SMYD3: variants seen among roughly 807,000 people sequenced by gnomAD.
SMYD3 encodes SET and MYND domain containing 3.
In SMYD3, 36 loss-of-function variants were observed where a neutral mutation model predicts 57.7. The observed-to-expected ratio is 0.62, with a 90% confidence interval of 0.48 to 0.82. The LOEUF (loss-of-function observed/expected upper bound fraction) is 0.82. Ranked by LOEUF, SMYD3 falls within the 40% of genes least tolerant of loss-of-function variation. The probability of loss-of-function intolerance (pLI) is 0.00; values close to 1 mark genes in which losing one functional copy is unlikely to be tolerated. For synonymous variants in SMYD3, 211 were observed against 195.0 expected (o/e 1.08, Z -0.68); for missense variants, 515 against 538.8 (o/e 0.96, Z 0.44).
At chr1:246,241,356 G>A (rs1256910454) in intron 5 of SMYD3, among the ~76,000 whole-genome samples, 1 of 152,152 alleles carries the variant, frequency 6.6e-6, no homozygotes, top group Non-Finnish European at 1.5e-5. Context: ...TAATCATATG[G>A]CTTTTGCCTT....
At chr1:246,428,745 C>T (rs1485506991) in intron 1 of SMYD3, among the ~76,000 whole-genome samples, 2 of 152,158 alleles carry the variant, frequency 1.3e-5, no homozygotes, top group South Asian at 2.1e-4. Context: ...CAAACCCGCG[C>T]AATCTAGACC....
chr1:246,271,876 C>T (rs556484171), intron 5 of SMYD3, among the ~76,000 whole-genome samples: 1 of 152,170 alleles, frequency 6.6e-6, no homozygotes, highest in Admixed American at 6.5e-5. Flanking sequence ...TCTGTAGAGG[C>T]CTTTGGGTAG....
intron 5 of SMYD3, among the ~76,000 whole-genome samples, chr1:246,322,848 ATTACATT>A (rs1158490349): frequency 1.3e-5 from 2 of 152,342 alleles, no homozygotes; most frequent in Admixed American, 6.5e-5. Context: ...CTCACTTTCT[ATTACATT>A]TAGTGCAAAA....
intron 10 of SMYD3, among the ~76,000 whole-genome samples, chr1:245,853,030 G>A (rs1400963559): frequency 2.6e-5 from 4 of 152,206 alleles, no homozygotes; most frequent in African/African-American, 9.7e-5. Context: ...ACATGATTAA[G>A]TGGCTACAAG....
chr1:245,941,517 A>AT (rs1377100416), intron 5 of SMYD3, among the ~76,000 whole-genome samples: 2 of 151,944 alleles, frequency 1.3e-5, no homozygotes, highest in African/African-American at 2.4e-5. Context: ...AATATTCAAC[A>AT]TTTTTTTCGT....
At chr1:246,370,771 TGTC>T in intron 1 of SMYD3, among the ~76,000 whole-genome samples, 1 of 152,358 alleles carries the variant, frequency 6.6e-6, no homozygotes, top group South Asian at 2.1e-4. Context: ...GTGTCACAAA[TGTC>T]GTCATCTCCA....
At chr1:245,970,470 TTAAAC>T (rs1200942741) in intron 5 of SMYD3, among the ~76,000 whole-genome samples, 1 of 152,116 alleles carries the variant, frequency 6.6e-6, no homozygotes, top group East Asian at 1.9e-4. Flanking sequence ...TGGGATCTAA[TTAAAC>T]TAAAGAGCTT....
intron 10 of SMYD3, among the ~76,000 whole-genome samples, chr1:245,857,008 C>A (rs552494725): frequency 2.0e-5 from 3 of 152,138 alleles, no homozygotes; most frequent in Non-Finnish European, 4.4e-5. Flanking sequence ...TCTTTGAATG[C>A]GATTCGTATT....
chr1:246,042,120 A>G (rs2059888669), intron 5 of SMYD3, among the ~76,000 whole-genome samples: 1 of 152,176 alleles, frequency 6.6e-6, no homozygotes, highest in African/African-American at 2.4e-5. Context: ...TAACTGCAGA[A>G]AGCTTCAAGT....
chr1:245,951,440 A>G lies in SMYD3; in HGVS notation c.532-21503T>C, dbSNP rs564022238. Among the ~76,000 whole-genome samples the G allele has an allele frequency of 1.8e-4, 25 of 137,034 alleles. 4 individuals are homozygous for G. The highest frequency in any genetic ancestry group is 4.9e-4 in the African/African-American group (16 of 32,792). The allele number at this position is 137,034 out of a possible 152,430, so 89.9% of individuals were successfully genotyped here. A position where few individuals can be genotyped will look rare whatever the true frequency, so the allele number is the denominator to read the frequency against. On this transcript the variant is annotated intron_variant, in intron 5 of 11. Coordinates refer to ENST00000490107, the MANE Select transcript of SMYD3 (RefSeq NM_001167740.2). ...AAAAATTAGCTGGGCGAGGTGGTGCACGCCTGTAGTCCCAGCTACTCGGGA... is the reference window on the plus strand; with the variant it reads ...AAAAATTAGCTGGGCGAGGTGGTGCGCGCCTGTAGTCCCAGCTACTCGGGA...
chr1:245,917,733 G>T (rs2153027), intron 7 of SMYD3, among the ~76,000 whole-genome samples: 150,273 of 152,264 alleles, frequency 0.99, 74,195 homozygotes, highest in Middle Eastern at 1. Flanking sequence ...GCTTGTACCA[G>T]ACTGTAGAAA....
At chr1:245,859,935 A>T (rs2051445840) in intron 9 of SMYD3, among the ~76,000 whole-genome samples, 1 of 152,226 alleles carries the variant, frequency 6.6e-6, no homozygotes, top group African/African-American at 2.4e-5. Flanking sequence ...AATGAGTAAT[A>T]TATTGTATGT....
chr1:246,063,538 T>TCCTTCCTTC (rs145685635), intron 5 of SMYD3, among the ~76,000 whole-genome samples: 1 of 149,632 alleles, frequency 6.7e-6, no homozygotes, highest in African/African-American at 2.5e-5. Flanking sequence ...CTTCCTTTCC[T>TCCTTCCTTC]CCTTCCTTCC....
rs572854999 is a variant in SMYD3 at position 246,149,270 on chromosome 1, G to T, written c.531+177931C>A. ...TGAGATGCAGAAATGTTGAGTGACT[G>T]CTTGTCTGAGACACCTAGCTAATGA... On this transcript the variant is annotated intron_variant, in intron 5 of 11. Transcript: ENST00000490107. Among the ~76,000 whole-genome samples the T allele has an allele frequency of 9.5e-4, 144 of 152,302 alleles. 1 individual carries two copies. Among genetic ancestry groups the T allele is most frequent in the African/African-American group, 3.1e-3 (128 of 41,562 alleles).
chr1:246,207,420 C>T (rs922503828), intron 5 of SMYD3, among the ~76,000 whole-genome samples: 3 of 152,066 alleles, frequency 2.0e-5, no homozygotes, highest in Admixed American at 6.5e-5. Flanking sequence ...GATCTCTTAG[C>T]GCTCCAAGAT....
intron 10 of SMYD3, among the ~76,000 whole-genome samples, chr1:245,817,420 A>C (rs1236999087): frequency 6.7e-6 from 1 of 149,690 alleles, no homozygotes; most frequent in Non-Finnish European, 1.5e-5. Context: ...CAAAGACCAA[A>C]AGTAGATAAA....
At chr1:245,945,156 T>C (rs1228016089) in intron 5 of SMYD3, among the ~76,000 whole-genome samples, 1 of 151,830 alleles carries the variant, frequency 6.6e-6, no homozygotes, top group Non-Finnish European at 1.5e-5. Context: ...ATTAAAGAGC[T>C]TTCGCACAGC....
At chr1:246,056,344 G>A (rs1056629443) in intron 5 of SMYD3, among the ~76,000 whole-genome samples, 1 of 152,036 alleles carries the variant, frequency 6.6e-6, no homozygotes, top group African/African-American at 2.4e-5. Flanking sequence ...GAGGGAGTGC[G>A]GGCAGGGGGA....
At chr1:245,912,556 C>G (rs74510707) in intron 8 of SMYD3, among the ~76,000 whole-genome samples, 1 of 151,720 alleles carries the variant, frequency 6.6e-6, no homozygotes. Context: ...AAGGCAATAC[C>G]GAGCAAAAAG....
Sources: gnomAD v4.1 joint callset for allele counts (sites outside exome capture counted in the v4.1 genomes callset) on GRCh38, gnomAD v4.1.1 for gene constraint, MANE v1.5 for transcripts, NCBI Gene and HGNC (gene_info 2026-07-23, HGNC 2026-07-21) for gene names.